FLRT1: variants seen among roughly 807,000 people sequenced by gnomAD.
The protein encoded by FLRT1 is leucine-rich repeat transmembrane protein FLRT1.
In FLRT1, 14 loss-of-function variants were observed where a neutral mutation model predicts 30.9. The observed-to-expected ratio is 0.45, with a 90% confidence interval of 0.30 to 0.71. FLRT1 has a LOEUF of 0.71. Ranked by LOEUF, FLRT1 falls within the 30% of genes least tolerant of loss-of-function variation. The pLI is 0.08. For synonymous variants in FLRT1, 368 were observed against 430.4 expected, an observed-to-expected ratio of 0.85 and a Z score of 1.80; for missense variants, 737 against 949.2, an observed-to-expected ratio of 0.78 and a Z score of 2.94.
In FLRT1 at chr11:64,064,080, G is replaced by A. The variant is rs779106927; in HGVS notation, c.-1038+27921G>A. Among the ~76,000 whole-genome samples the A allele has an allele frequency of 2.6e-5, 4 of 152,136 alleles. No homozygotes were observed. The highest frequency in any genetic ancestry group is 5.9e-5 in the Non-Finnish European group (4 of 68,024). On this transcript the variant is annotated intron_variant, in intron 1 of 2. Coordinates refer to ENST00000682287, the MANE Select transcript of FLRT1 (RefSeq NM_013280.5). This position sits in a 1 kb window ranked among gnomAD's most constrained non-coding sequence, Gnocchi z 4.5. ...TGAACAGCGACACCCACACAAACCCGAGGTCTCTCTCTCTGCGCCCCCTAT... is the reference window on the plus strand; with the variant it reads ...TGAACAGCGACACCCACACAAACCCAAGGTCTCTCTCTCTGCGCCCCCTAT...
At chr11:64,038,010 C>CG (rs1565204242) in intron 1 of FLRT1, among the ~76,000 whole-genome samples, 1 of 152,122 alleles carries the variant, frequency 6.6e-6, no homozygotes, top group African/African-American at 2.4e-5. Flanking sequence ...TTCAGAGGGT[C>CG]GGGGGGTCGG....
At chr11:64,112,040 CCTT>C (rs1177694755) in intron 2 of FLRT1, among the ~76,000 whole-genome samples, 1 of 152,224 alleles carries the variant, frequency 6.6e-6, no homozygotes, top group African/African-American at 2.4e-5. Context: ...GACCCCACCT[CCTT>C]CTGCCAGGGG....
chr11:64,115,971 C>T (rs1020182447), intron 2 of FLRT1, among the ~76,000 whole-genome samples: 7 of 152,340 alleles, frequency 4.6e-5, no homozygotes, highest in South Asian at 2.1e-4. Flanking sequence ...CTCATTAATG[C>T]GCAGCCTCTT....
intron 2 of FLRT1, among the ~76,000 whole-genome samples, chr11:64,107,633 C>T (rs908531314): frequency 3.2e-4 from 48 of 152,340 alleles, no homozygotes; most frequent in African/African-American, 1.1e-3. Flanking sequence ...AAAGAATTCC[C>T]GCCCCAGCCC....
chr11:64,116,008 C>G (rs1015354397), intron 2 of FLRT1, among the ~76,000 whole-genome samples: 5 of 152,192 alleles, frequency 3.3e-5, no homozygotes, highest in Non-Finnish European at 7.3e-5. Context: ...TAACATTAGC[C>G]AGATGTTGTT....
intron 1 of FLRT1, among the ~76,000 whole-genome samples, chr11:64,081,213 G>A (rs1389420605): frequency 1.3e-5 from 2 of 152,138 alleles, no homozygotes; most frequent in African/African-American, 4.8e-5. Context: ...GTAGAGATGG[G>A]GTTTCACCAT....
chr11:64,112,410 A>T (rs537244048), intron 2 of FLRT1, among the ~76,000 whole-genome samples: 1 of 152,264 alleles, frequency 6.6e-6, no homozygotes, highest in African/African-American at 2.4e-5. Context: ...GCTACTCAGG[A>T]GGCTGAAGCA....
rs549795758 is a variant in FLRT1 at position 64,067,036 on chromosome 11, G to T, written c.-1038+30877G>T. Among the ~76,000 whole-genome samples the T allele has an allele frequency of 5.9e-5, 9 of 152,328 alleles. No individual in the cohort carries two copies. The East Asian group carries it at 1.7e-3, about 29-fold the overall frequency. ...AGTCCCTGGGGAGATTGGATGAGGG[G>T]CTCAGGGACCCCCCATGCCCAATGT... On this transcript the variant is annotated intron_variant, in intron 1 of 2. Transcript: ENST00000682287. The surrounding 1 kb of genome is among the most constrained non-coding windows in gnomAD (Gnocchi z 4.6).
intron 1 of FLRT1, among the ~76,000 whole-genome samples, chr11:64,059,846 T>G (rs914623397): frequency 2.0e-5 from 3 of 152,078 alleles, no homozygotes; most frequent in Non-Finnish European, 4.4e-5. Context: ...CCCTAGGCGC[T>G]GATTGGTTGC....
chr11:64,105,610 C>T (rs1036322065), intron 2 of FLRT1, among the ~76,000 whole-genome samples: 2 of 152,134 alleles, frequency 1.3e-5, no homozygotes, highest in African/African-American at 4.8e-5. Flanking sequence ...TGCTAAGAGG[C>T]GTGACCCCAC....
At position 64,045,229 on chromosome 11, in the gene FLRT1, G is replaced by A. The variant is rs528527614; in HGVS notation, c.-1038+9070G>A. Among the ~76,000 whole-genome samples the A allele has an allele frequency of 3.5e-3, 526 of 152,270 alleles. 6 individuals carry two copies. The highest frequency in any genetic ancestry group is 0.012 in the African/African-American group (512 of 41,540). ...CTGGTGCCCTCGGGAGGAGTGGGGC[G>A]GGTGGTGGGCGAAGGGGCCCGGGAG... is the stretch of plus-strand genomic sequence containing the variant. On this transcript the variant is annotated intron_variant, in intron 1 of 2. Transcript: ENST00000682287.
chr11:64,114,438 T>C (rs999933066), intron 2 of FLRT1, among the ~76,000 whole-genome samples: 1 of 147,050 alleles, frequency 6.8e-6, no homozygotes, highest in Admixed American at 6.7e-5. Context: ...GTTGAATGGA[T>C]GGATGGATGG....
At position 64,067,244 on chromosome 11, in the gene FLRT1, C is replaced by T. The variant is rs2134452822; in HGVS notation, c.-1038+31085C>T. On this transcript the variant is annotated intron_variant, in intron 1 of 2. Transcript: ENST00000682287. The surrounding 1 kb of genome is among the most constrained non-coding windows in gnomAD (Gnocchi z 4.6). The stretch of plus-strand genomic sequence containing the variant: ...GGGGAGAGGCCTTGCATGGCACCCA[C>T]TCCCACCTGTGCGGCACGAGAGGGA... Among the ~76,000 whole-genome samples, 1 of 152,222 alleles carries T rather than the reference C, an allele frequency of 6.6e-6. No individual in the cohort carries two copies. The highest frequency in any genetic ancestry group is 2.4e-5 in the African/African-American group (1 of 41,532).
At chr11:64,069,782 G>A (rs1369476503) in intron 1 of FLRT1, among the ~76,000 whole-genome samples, 1 of 152,218 alleles carries the variant, frequency 6.6e-6, no homozygotes, top group Non-Finnish European at 1.5e-5. Context: ...TCCGCACGCT[G>A]CCGGCCACTG....
chr11:64,041,716 A>G (rs1191599602), intron 1 of FLRT1, among the ~76,000 whole-genome samples: 1 of 152,188 alleles, frequency 6.6e-6, no homozygotes, highest in African/African-American at 2.4e-5. Flanking sequence ...GAGCTCTCTC[A>G]AGCGACATAG....
intron 1 of FLRT1, among the ~76,000 whole-genome samples, chr11:64,046,156 G>T (rs1341760339): frequency 1.3e-5 from 2 of 152,180 alleles, no homozygotes; most frequent in Non-Finnish European, 2.9e-5. Context: ...GCTTCTCTTA[G>T]CATGGGTGCT....
intron 1 of FLRT1, among the ~76,000 whole-genome samples, chr11:64,069,718 A>T (rs994622226): frequency 6.6e-6 from 1 of 151,458 alleles, no homozygotes; most frequent in Non-Finnish European, 1.5e-5. Context: ...GGCTGGTGAC[A>T]CCCCCGGGCC....
intron 1 of FLRT1, among the ~76,000 whole-genome samples, chr11:64,087,523 G>A (rs1237447431): frequency 6.6e-6 from 1 of 152,224 alleles, no homozygotes; most frequent in Non-Finnish European, 1.5e-5. Context: ...CTGGAGCTCT[G>A]GGCTTGGAGG....
At chr11:64,112,369 C>G (rs1444660575) in intron 2 of FLRT1, among the ~76,000 whole-genome samples, 3 of 152,060 alleles carry the variant, frequency 2.0e-5, no homozygotes, top group African/African-American at 7.2e-5. Flanking sequence ...AAAAAATTAG[C>G]TGGGCATGGT....
Sources: allele counts gnomAD v4.1 joint callset (sites outside exome capture counted in the v4.1 genomes callset), GRCh38; gene constraint gnomAD v4.1.1; non-coding constraint Gnocchi (gnomAD v3.1); transcripts MANE v1.5; gene names NCBI Gene and HGNC (gene_info 2026-07-23, HGNC 2026-07-21).